Variants in CECR2 observed in about 807,000 individuals in gnomAD.
CECR2 encodes the protein chromatin remodeling regulator CECR2.
A neutral mutation model predicts 154.5 loss-of-function variants in CECR2; 30 were observed. The ratio of observed to expected loss-of-function variants is 0.19; its 90% confidence interval spans 0.15 to 0.26. CECR2 has a LOEUF of 0.26. Ranked by LOEUF, CECR2 falls within the 10% of genes least tolerant of loss-of-function variation. CECR2 has a pLI of 1.00. For missense variants in CECR2, 1,743 were observed against 1,829.3 expected, an observed-to-expected ratio of 0.95 and a Z score of 0.86; for synonymous variants, 725 against 683.7, an observed-to-expected ratio of 1.06 and a Z score of -0.94.
rs1388387885 is a variant in CECR2 at position 17,540,785 on chromosome 22, C to T, written c.1869C>T (p.Pro623=). ...GTGGTGGGACACCCAGCCAGGCACC[C>T]TTTTTAAACCAGATGGTAAGGAATA... The part of the protein sequence containing the change: ...LHCGGTPSQA[P]FLNQMRPAVP... Residue 623 remains proline, a synonymous_variant, in exon 14 of 19, where the codon CCC becomes CCT. Coordinates refer to ENST00000262608, the MANE Select transcript of CECR2 (RefSeq NM_001290047.2). 6.3e-6 allele frequency: 10 copies of T among 1,575,038 alleles called. No individual in the cohort carries two copies. The highest frequency in any genetic ancestry group is 8.6e-6 in the Non-Finnish European group (10 of 1,160,282).
At chr22:17,398,212 G>C (rs367712239) in intron 1 of CECR2, among the ~76,000 whole-genome samples, 3 of 151,078 alleles carry the variant, frequency 2.0e-5, no homozygotes, top group Non-Finnish European at 4.4e-5. Context: ...GTGGGGGGGG[G>C]TATTATAAAA....
chr22:17,380,763 GA>G, intron 1 of CECR2, among the ~76,000 whole-genome samples: 1 of 152,206 alleles, frequency 6.6e-6, no homozygotes, highest in East Asian at 1.9e-4. Flanking sequence ...AATAATTCCT[GA>G]GAATGGATAA....
At chr22:17,439,865 A>G (rs2054558489) in intron 1 of CECR2, among the ~76,000 whole-genome samples, 1 of 152,308 alleles carries the variant, frequency 6.6e-6, no homozygotes, top group Admixed American at 6.5e-5. Flanking sequence ...GTGGCTGAAT[A>G]GGATGTTACC....
At chr22:17,446,925 A>T (rs994547719) in intron 1 of CECR2, among the ~76,000 whole-genome samples, 7 of 135,706 alleles carry the variant, frequency 5.2e-5, no homozygotes, top group African/African-American at 1.6e-4. Context: ...ATTTTACAGA[A>T]CACTGGTGCA....
intron 1 of CECR2, among the ~76,000 whole-genome samples, chr22:17,362,917 A>G (rs2062984245): frequency 6.6e-6 from 1 of 151,672 alleles, no homozygotes; most frequent in Admixed American, 6.6e-5. Context: ...AAAAAAAAAA[A>G]AAAAAGAATA....
chr22:17,545,393 A>AAAG (rs1569156204), intron 16 of CECR2, among the ~76,000 whole-genome samples: 1 of 150,504 alleles, frequency 6.6e-6, no homozygotes, highest in South Asian at 2.1e-4. Flanking sequence ...AAAAAAAAAA[A>AAAG]AAAAGAAATG....
intron 1 of CECR2, among the ~76,000 whole-genome samples, chr22:17,379,917 C>T (rs1402127857): frequency 6.6e-6 from 1 of 152,140 alleles, no homozygotes; most frequent in Non-Finnish European, 1.5e-5. Context: ...ATCACATTAT[C>T]TGTGGCTTTT....
chr22:17,479,023 A>G (rs907128104), intron 2 of CECR2, among the ~76,000 whole-genome samples: 3 of 135,698 alleles, frequency 2.2e-5, no homozygotes, highest in Admixed American at 1.5e-4. Context: ...CATTATAGCA[A>G]TCAGTTTTCT....
In CECR2 at chr22:17,548,384, G is replaced by A. The variant is rs368828545; in HGVS notation, c.3097G>A (p.Gly1033Ser). Residue 1033 changes from glycine (G) to serine (S), a missense_variant, in exon 17 of 19, where the codon GGC becomes AGC. Gly to Ser is a moderately conservative substitution (Grantham distance 56). Coordinates refer to ENST00000262608, the MANE Select transcript of CECR2 (RefSeq NM_001290047.2). ...NPWPSDSSYP[G>S]PAAQGCVRDL... ...CTGGCCCTCGGATAGCAGCTACCCC[G>A]GCCCAGCCGCCCAAGGGTGCGTGAG... 3.3e-5 allele frequency: 53 copies of A among 1,613,456 alleles called. No homozygotes were observed. The highest frequency in any genetic ancestry group is 6.7e-5 in the East Asian group (3 of 44,868).
intron 9 of CECR2, among the ~76,000 whole-genome samples, chr22:17,529,767 A>G (rs1261262990): frequency 6.6e-6 from 1 of 152,172 alleles, no homozygotes; most frequent in Non-Finnish European, 1.5e-5. Context: ...AAAGTCACAA[A>G]TGATAGTTTT....
At chr22:17,538,467 C>G in intron 10 of CECR2, 53 bp from the exon 11 acceptor site, 1 of 1,519,436 alleles carries the variant, frequency 6.6e-7, no homozygotes, top group Non-Finnish European at 9.1e-7. Context: ...TGAGAGAGCT[C>G]AGGAGAGAAG....
At chr22:17,390,320 C>T (rs1339361139) in intron 1 of CECR2, among the ~76,000 whole-genome samples, 11 of 152,138 alleles carry the variant, frequency 7.2e-5, no homozygotes, top group African/African-American at 9.7e-5. Context: ...TGAAGAGGGC[C>T]GTGCCCTTGG....
At chr22:17,523,406 T>C (rs2056192867) in intron 8 of CECR2, among the ~76,000 whole-genome samples, 1 of 151,118 alleles carries the variant, frequency 6.6e-6, no homozygotes, top group African/African-American at 2.4e-5. Flanking sequence ...TGTGTTCTGT[T>C]GAGTGACTGT....
chr22:17,456,311 G>T (rs146405250), intron 1 of CECR2, among the ~76,000 whole-genome samples: 2,222 of 151,936 alleles, frequency 0.015, 33 homozygotes, highest in African/African-American at 0.045. Context: ...ATAATATGCC[G>T]TATTTTCTGG....
chr22:17,482,453 G>C (rs1389296282), intron 2 of CECR2, among the ~76,000 whole-genome samples: 1 of 152,158 alleles, frequency 6.6e-6, no homozygotes, highest in African/African-American at 2.4e-5. Flanking sequence ...CTACATAATA[G>C]TTGATAGTAA....
chr22:17,367,785 T>G (rs186806652), upstream of CECR2, among the ~76,000 whole-genome samples: 2 of 152,322 alleles, frequency 1.3e-5, no homozygotes, highest in East Asian at 3.9e-4. Context: ...ACGTGACAAT[T>G]CCGGGGTGGC....
chr22:17,477,137 C>T (rs754450197), intron 1 of CECR2: 20 of 726,054 alleles, frequency 2.8e-5, no homozygotes, highest in Non-Finnish European at 5.1e-5. Context: ...AAAGCTGTTG[C>T]AGATGGTTTA....
At chr22:17,504,597 C>T (rs1011497286) in intron 6 of CECR2, among the ~76,000 whole-genome samples, 3 of 148,804 alleles carry the variant, frequency 2.0e-5, no homozygotes, top group South Asian at 2.1e-4. Context: ...CCACCGCGCC[C>T]GGCTAATTTT....
chr22:17,507,894 T>C (rs745338039), intron 7 of CECR2, among the ~76,000 whole-genome samples: 1 of 151,602 alleles, frequency 6.6e-6, no homozygotes, highest in Non-Finnish European at 1.5e-5. Context: ...AGCAGACTAA[T>C]AATTAGGGAG....
Sources: allele counts gnomAD v4.1 joint callset (sites outside exome capture counted in the v4.1 genomes callset), GRCh38; gene constraint gnomAD v4.1.1; transcripts MANE v1.5; gene names NCBI Gene and HGNC (gene_info 2026-07-23, HGNC 2026-07-21).